UCHL3: variants seen among roughly 807,000 people sequenced by gnomAD.
UCHL3 encodes ubiquitin C-terminal hydrolase L3, also known as ubiquitin carboxyl-terminal hydrolase isozyme L3.
Under a neutral mutation model 35.8 loss-of-function variants are expected in UCHL3, and 22 were observed. The observed-to-expected ratio is 0.61, with a 90% confidence interval of 0.44 to 0.88. The LOEUF is 0.88. UCHL3 is among the 40% of genes least tolerant of loss of function. The probability of loss-of-function intolerance (pLI) is 0.00; values close to 1 mark genes in which losing one functional copy is unlikely to be tolerated. For synonymous variants in UCHL3, 90 were observed against 92.8 expected (o/e 0.97, Z 0.17); for missense variants, 229 against 276.9 (o/e 0.83, Z 1.23).
At chr13:75,553,197 GTCC>G (rs1204554245) in intron 2 of UCHL3, among the ~76,000 whole-genome samples, 1 of 152,118 alleles carries the variant, frequency 6.6e-6, no homozygotes, top group Non-Finnish European at 1.5e-5. Flanking sequence ...TTGTTATCCT[GTCC>G]TCCTTGAGCT....
chr13:75,594,644 C>A (rs1363046862), intron 6 of UCHL3, among the ~76,000 whole-genome samples: 1 of 152,156 alleles, frequency 6.6e-6, no homozygotes, highest in Non-Finnish European at 1.5e-5. Context: ...AGTGCTGAGG[C>A]TTCTAAGGTG....
At chr13:75,603,559 ACTTTTGC>A (rs1294254797) in intron 7 of UCHL3, among the ~76,000 whole-genome samples, 1 of 152,190 alleles carries the variant, frequency 6.6e-6, no homozygotes, top group Non-Finnish European at 1.5e-5. Context: ...GTTTACTTAT[ACTTTTGC>A]CTTTATGTAA....
chr13:75,576,835 A>G (rs1379539257), intron 6 of UCHL3, among the ~76,000 whole-genome samples: 3 of 152,238 alleles, frequency 2.0e-5, no homozygotes, highest in African/African-American at 7.2e-5. Flanking sequence ...ATAGTTACTG[A>G]TTTTAAAATT....
In UCHL3 at chr13:75,604,822, T is replaced by A; in HGVS notation, c.604T>A (p.Leu202Ile). The change falls in exon 8 of 9, where the codon TTA (leucine) becomes ATA (isoleucine). Residue 202 changes from leucine to isoleucine, a missense_variant. Leu to Ile is a conservative substitution (Grantham distance 5). Transcript: ENST00000377595. ...TGGTGAAACTAGTGATGAAACTTTA[T>A]TAGAGGTAACAGTAACACTTGTTGG... is the stretch of plus-strand genomic sequence containing the variant. Reference protein sequence around the residue: ...NHGETSDETLLEDAIEVCKKF... With the variant: ...NHGETSDETLIEDAIEVCKKF... 6.3e-7 allele frequency: 1 copy of A among 1,598,228 alleles called. No individual in the cohort carries two copies. The highest frequency in any genetic ancestry group is 1.1e-5 in the South Asian group (1 of 88,466).
In UCHL3 at chr13:75,567,117, C is replaced by T; in HGVS notation, c.341-110C>T. On this transcript the variant is annotated intron_variant, in intron 4 of 8. Coordinates refer to ENST00000377595, the MANE Select transcript of UCHL3 (RefSeq NM_006002.5). ...ACATGATCCTTACATTTCTAACCTACCAATGAAAGAATTTAACCTGAAAAA... is the reference window on the plus strand; with the variant it reads ...ACATGATCCTTACATTTCTAACCTATCAATGAAAGAATTTAACCTGAAAAA... 5 of 1,026,068 alleles carry T rather than the reference C, an allele frequency of 4.9e-6. 1 individual carries two copies. Among genetic ancestry groups the T allele is most frequent in the Non-Finnish European group, 7.2e-6 (5 of 697,840 alleles). 63.6% of individuals were successfully genotyped at this position (1,026,068 alleles called of 1,614,324 possible).
intron 6 of UCHL3, among the ~76,000 whole-genome samples, chr13:75,572,501 T>C (rs1442781305): frequency 6.6e-6 from 1 of 152,192 alleles, no homozygotes; most frequent in African/African-American, 2.4e-5. Context: ...TGATGAAGTA[T>C]GGTATCTTAT....
intron 6 of UCHL3, among the ~76,000 whole-genome samples, chr13:75,577,528 A>G (rs1178033621): frequency 6.6e-6 from 1 of 152,176 alleles, no homozygotes; most frequent in Non-Finnish European, 1.5e-5. Flanking sequence ...TAGTCCGTGG[A>G]TATCGAGGGA....
chr13:75,597,085 GACAGTT>G (rs2032663328), intron 7 of UCHL3, among the ~76,000 whole-genome samples: 1 of 152,154 alleles, frequency 6.6e-6, no homozygotes, highest in Admixed American at 6.6e-5. Context: ...TACAAAGATG[GACAGTT>G]GCTGATTCAT....
chr13:75,571,328 A>G (rs572690215), intron 6 of UCHL3, among the ~76,000 whole-genome samples: 25 of 152,232 alleles, frequency 1.6e-4, no homozygotes, highest in African/African-American at 5.8e-4. Context: ...TTTTTAAATG[A>G]TCTTCATGTC....
At chr13:75,550,070 C>T in intron 2 of UCHL3, 83 bp downstream of exon 2, 1 of 1,593,452 alleles carries the variant, frequency 6.3e-7, no homozygotes, top group East Asian at 2.2e-5. Context: ...CACCTCCACG[C>T]TTCCAGGGAT....
chr13:75,572,906 G>A (rs2031906446), intron 6 of UCHL3, among the ~76,000 whole-genome samples: 1 of 152,140 alleles, frequency 6.6e-6, no homozygotes, highest in African/African-American at 2.4e-5. Flanking sequence ...TCAAAATCCA[G>A]TTGCCATCTG....
intron 7 of UCHL3, among the ~76,000 whole-genome samples, chr13:75,595,864 A>C (rs1289805917): frequency 6.6e-6 from 1 of 151,962 alleles, no homozygotes; most frequent in Non-Finnish European, 1.5e-5. Context: ...TTACTCAGAC[A>C]GAATAAACTT....
In UCHL3 at chr13:75,605,710, T is replaced by G; in HGVS notation, c.610-19T>G. 7.2e-7 allele frequency: 1 copy of G among 1,394,928 alleles called. No individual in the cohort carries two copies. 86.4% of individuals were successfully genotyped at this position (1,394,928 alleles called of 1,614,324 possible). Reference sequence around the variant, plus strand: ...ACACTTTTACACTGAAAAATCATACTTTTTTTTTTCCTCCATAGGATGCCA... The same window carrying G: ...ACACTTTTACACTGAAAAATCATACGTTTTTTTTTCCTCCATAGGATGCCA... On this transcript the variant is annotated intron_variant, in intron 8 of 8. Transcript: ENST00000377595.
chr13:75,561,348 A>T (rs1163802177), intron 3 of UCHL3, among the ~76,000 whole-genome samples: 1 of 152,246 alleles, frequency 6.6e-6, no homozygotes, highest in African/African-American at 2.4e-5. Flanking sequence ...AGAAATCTTA[A>T]AACTTTTTAT....
chr13:75,588,559 A>C (rs1404822379), intron 6 of UCHL3, among the ~76,000 whole-genome samples: 1 of 152,168 alleles, frequency 6.6e-6, no homozygotes, highest in South Asian at 2.1e-4. Flanking sequence ...ACTGATTCTT[A>C]TTATGAGCCG....
At chr13:75,581,948 T>C (rs1371304490) in intron 6 of UCHL3, among the ~76,000 whole-genome samples, 1 of 152,152 alleles carries the variant, frequency 6.6e-6, no homozygotes, top group Non-Finnish European at 1.5e-5. Flanking sequence ...GGAATTCAGA[T>C]AGAAATAGTA....
Position 75,566,773 on chromosome 13 carries a change from A to C in UCHL3, c.262A>C (p.Lys88Gln). Residue 88 changes from lysine to glutamine, a missense_variant, in exon 4 of 9, where the codon AAG becomes CAG. Transcript: ENST00000377595. Reference protein sequence around the residue: ...QDVTSSVYFMKQTISNACGTI... With the variant: ...QDVTSSVYFMQQTISNACGTI... ...TGTTACATCATCAGTATATTTCATG[A>C]AGCAAACAATCAGCAATGCCTGTGG... 8 of 1,612,454 alleles carry C rather than the reference A, an allele frequency of 5.0e-6. No individual in the cohort carries two copies. Among genetic ancestry groups the C allele is most frequent in the Non-Finnish European group, 5.9e-6 (7 of 1,179,414 alleles).
At chr13:75,583,414 A>G (rs925784861) in intron 6 of UCHL3, among the ~76,000 whole-genome samples, 1 of 152,202 alleles carries the variant, frequency 6.6e-6, no homozygotes, top group Non-Finnish European at 1.5e-5. Context: ...ATGCTCAAAA[A>G]GAAGGCTAAA....
intron 6 of UCHL3, among the ~76,000 whole-genome samples, chr13:75,578,390 T>C (rs1316602942): frequency 6.6e-6 from 1 of 152,162 alleles, no homozygotes; most frequent in Non-Finnish European, 1.5e-5. Flanking sequence ...AAGGGATAAA[T>C]ATTTTTATGA....
Sources: gnomAD v4.1 joint callset for allele counts (sites outside exome capture counted in the v4.1 genomes callset) on GRCh38, gnomAD v4.1.1 for gene constraint, MANE v1.5 for transcripts, NCBI Gene and HGNC (gene_info 2026-07-23, HGNC 2026-07-21) for gene names.